HSBP1: variants seen among roughly 807,000 people sequenced by gnomAD.
HSBP1 encodes the protein heat shock factor-binding protein 1.
HSBP1 carries 5 observed loss-of-function variants against 9.6 expected under a neutral mutation model. The observed-to-expected ratio is 0.52, with a 90% CI of 0.27 to 1.09. HSBP1 has a LOEUF of 1.09. Among genes scored for constraint, HSBP1 ranks in the 50% least tolerant of loss-of-function variants. The pLI, the probability that HSBP1 is intolerant of heterozygous loss-of-function variation, is 0.11. For synonymous variants in HSBP1, 42 were observed against 33.3 expected, an observed-to-expected ratio of 1.26 and a Z score of -0.90; for missense variants, 121 against 96.3, an observed-to-expected ratio of 1.26 and a Z score of -1.07.
chr16:83,810,490 C>G (rs890722925), intron 3 of HSBP1, among the ~76,000 whole-genome samples: 1 of 140,088 alleles, frequency 7.1e-6, no homozygotes, highest in East Asian at 2.0e-4. Flanking sequence ...CCACTGCACT[C>G]CAGCCTGGGC....
chr16:83,814,561 G>A lies in HSBP1; in HGVS notation c.*3143G>A, dbSNP rs764350231. ...AACACAGCTGATCGTCTGCCTCTTCGTGTGAGCTGAGCTCCGAATCTCAGC... is the reference window on the plus strand; with the variant it reads ...AACACAGCTGATCGTCTGCCTCTTCATGTGAGCTGAGCTCCGAATCTCAGC... On this transcript the variant is annotated 3_prime_UTR_variant, in exon 4 of 4. Transcript: ENST00000433866. The A allele has an allele frequency of 2.0e-5, 3 of 152,142 alleles. No individual in the cohort carries two copies. Among genetic ancestry groups the A allele is most frequent in the East Asian group, 3.9e-4 (2 of 5,194 alleles). 9.4% of individuals were successfully genotyped at this position (152,142 alleles called of 1,614,324 possible).
chr16:83,816,763 G>A lies in HSBP1; in HGVS notation c.*5345G>A, dbSNP rs181449691. ...CCCAAGTGTCAACAGTGCTGAGGTT[G>A]AGGAATCCCAGCTTAACCCATTCAT... On this transcript the variant is annotated 3_prime_UTR_variant, in exon 4 of 4. Transcript: ENST00000433866. 1 of 152,352 alleles carries A rather than the reference G, an allele frequency of 6.6e-6. No homozygotes were observed. Among genetic ancestry groups the A allele is most frequent in the South Asian group, 2.1e-4 (1 of 4,832 alleles). 9.4% of individuals were successfully genotyped at this position (152,352 alleles called of 1,614,324 possible). A position where few individuals can be genotyped will look rare whatever the true frequency, so the allele number is the denominator to read the frequency against.
In HSBP1 at chr16:83,808,660, T is replaced by C. The variant is rs1272107806; in HGVS notation, c.46-20T>C. 2 of 1,601,076 alleles carry C rather than the reference T, an allele frequency of 1.2e-6. No individual in the cohort carries two copies. Among genetic ancestry groups the C allele is most frequent in the Admixed American group, 1.7e-5 (1 of 59,318 alleles). On this transcript the variant is annotated intron_variant, in intron 1 of 3. Coordinates refer to ENST00000433866, the MANE Select transcript of HSBP1 (RefSeq NM_001537.4). ...TCAGGATCGATGTGGACCGTGTTTG[T>C]TTGTTTCGGTTTTTCTTAGGTGCAG...
chr16:83,810,055 C>T (rs116506181), intron 3 of HSBP1, among the ~76,000 whole-genome samples: 5,386 of 150,376 alleles, frequency 0.036, 329 homozygotes, highest in African/African-American at 0.13. Context: ...ATTAAGGTGT[C>T]TTTTTGTTGG....
rs556539577 is a variant in HSBP1 at position 83,809,180 on chromosome 16, C to T, written c.113-125C>T. 131 of 655,130 alleles carry T rather than the reference C, an allele frequency of 2.0e-4. 1 individual carries two copies. The highest frequency in any genetic ancestry group is 1.8e-3 in the South Asian group (99 of 53,810). The allele number at this position is 655,130 out of a possible 1,614,324, so 40.6% of individuals were successfully genotyped here. ...TGTACTCTTACCCACCAGCGTGTAA[C>T]AGTGTCGAAAGAAAATTGGAAGACC... is the stretch of plus-strand genomic sequence containing the variant. On this transcript the variant is annotated intron_variant, in intron 2 of 3. Transcript: ENST00000433866.
rs934202678 is a variant in HSBP1, at chr16:83,813,126, G to C, written c.*1708G>C. ...AGGCAAAGCAGGAGAGGGGGTGTTG[G>C]GGGAGGTTGCCTGCTGGAAGGGGAA... is the stretch of plus-strand genomic sequence containing the variant. On this transcript the variant is annotated 3_prime_UTR_variant, in exon 4 of 4. Transcript: ENST00000433866. 1 of 152,400 alleles carries C rather than the reference G, an allele frequency of 6.6e-6. No homozygotes were observed. Among genetic ancestry groups the C allele is most frequent in the Non-Finnish European group, 1.5e-5 (1 of 68,176 alleles). 9.4% of individuals were successfully genotyped at this position (152,400 alleles called of 1,614,324 possible). A position where few individuals can be genotyped will look rare whatever the true frequency, so the allele number is the denominator to read the frequency against.
At position 83,819,507 on chromosome 16, in the gene HSBP1, G is replaced by A. The variant is rs1904793714; in HGVS notation, c.*8089G>A. On this transcript the variant is annotated 3_prime_UTR_variant, in exon 4 of 4. Transcript: ENST00000433866. ...CTAAGCCCGAGGAACTGAGCGTGAA[G>A]AGCCCTGACGCCATGAAGACTTGAA... 1 of 152,118 alleles carries A rather than the reference G, an allele frequency of 6.6e-6. No homozygotes were observed. The highest frequency in any genetic ancestry group is 6.6e-5 in the Admixed American group (1 of 15,266). The allele number at this position is 152,118 out of a possible 1,614,324, so 9.4% of individuals were successfully genotyped here.
At chr16:83,808,460 A>C in intron 1 of HSBP1, 1 of 577,822 alleles carries the variant, frequency 1.7e-6, no homozygotes, top group Non-Finnish European at 3.1e-6. Context: ...AACAACCTAA[A>C]GACCCTGAGC....
intron 3 of HSBP1, among the ~76,000 whole-genome samples, chr16:83,810,099 GC>G (rs1299777542): frequency 2.2e-4 from 32 of 148,714 alleles, no homozygotes; most frequent in African/African-American, 7.4e-4. Flanking sequence ...ATTTTCCATT[GC>G]TTTTTTTTTT....
chr16:83,811,436 T>A lies in HSBP1; in HGVS notation c.*18T>A, dbSNP rs1904598768. The A allele has an allele frequency of 6.6e-6, 1 of 152,260 alleles. No individual in the cohort carries two copies. Among genetic ancestry groups the A allele is most frequent in the Admixed American group, 6.5e-5 (1 of 15,292 alleles). The allele number at this position is 152,260 out of a possible 1,614,324, so 9.4% of individuals were successfully genotyped here. ...TCTTCAACAGGTTGCTAATAATTTA[T>A]ACTGGAATCTGGCATTTTTCCAAGC... is the stretch of plus-strand genomic sequence containing the variant. On this transcript the variant is annotated 3_prime_UTR_variant, in exon 4 of 4. Transcript: ENST00000433866.
rs1392525360 is a variant in HSBP1 at position 83,818,976 on chromosome 16, C to G, written c.*7558C>G. 1 of 152,134 alleles carries G rather than the reference C, an allele frequency of 6.6e-6. No individual in the cohort carries two copies. The highest frequency in any genetic ancestry group is 1.5e-5 in the Non-Finnish European group (1 of 68,028). 9.4% of individuals were successfully genotyped at this position (152,134 alleles called of 1,614,324 possible). Reference sequence around the variant, plus strand: ...CGTGCTGGAAATGTAGATCCCCAGGCCCTACCTAGCCCTACTGAATCAGAG... The same window carrying G: ...CGTGCTGGAAATGTAGATCCCCAGGGCCTACCTAGCCCTACTGAATCAGAG... On this transcript the variant is annotated 3_prime_UTR_variant, in exon 4 of 4. Coordinates refer to ENST00000433866, the MANE Select transcript of HSBP1 (RefSeq NM_001537.4).
rs1904598708 is a variant in HSBP1, at chr16:83,811,432, T to C, written c.*14T>C. ...TCCTTCTTCAACAGGTTGCTAATAATTTATACTGGAATCTGGCATTTTTCC... is the reference window on the plus strand; with the variant it reads ...TCCTTCTTCAACAGGTTGCTAATAACTTATACTGGAATCTGGCATTTTTCC... On this transcript the variant is annotated 3_prime_UTR_variant, in exon 4 of 4. Transcript: ENST00000433866. 1 of 152,248 alleles carries C rather than the reference T, an allele frequency of 6.6e-6. No individual in the cohort carries two copies. The highest frequency in any genetic ancestry group is 2.4e-5 in the African/African-American group (1 of 41,468). 9.4% of individuals were successfully genotyped at this position (152,248 alleles called of 1,614,324 possible). A position where few individuals can be genotyped will look rare whatever the true frequency, so the allele number is the denominator to read the frequency against.
chr16:83,808,598 G>T (rs138479228), intron 1 of HSBP1, 82 bp from the exon 2 acceptor site: 1 of 1,120,388 alleles, frequency 8.9e-7, no homozygotes, highest in Admixed American at 2.1e-5. Context: ...CTGGAACCCC[G>T]GGACCAGGGC....
In HSBP1 at chr16:83,808,005, G is replaced by T; in HGVS notation, c.-72G>T. 7.3e-7 allele frequency: 1 copy of T among 1,364,368 alleles called. No homozygotes were observed. Among genetic ancestry groups the T allele is most frequent in the Non-Finnish European group, 9.9e-7 (1 of 1,007,174 alleles). 84.5% of individuals were successfully genotyped at this position (1,364,368 alleles called of 1,614,324 possible). On this transcript the variant is annotated 5_prime_UTR_variant, in exon 1 of 4. Transcript: ENST00000433866. Reference sequence around the variant, plus strand: ...TCTCGTCGCGAGAAGCAGCGGCCCGGGGCGACTGAGCGGACAAACGGAAGT... The same window carrying T: ...TCTCGTCGCGAGAAGCAGCGGCCCGTGGCGACTGAGCGGACAAACGGAAGT...
chr16:83,808,917 A>T (rs1196933004), intron 2 of HSBP1, among the ~76,000 whole-genome samples, 171 bp downstream of exon 2: 2 of 152,142 alleles, frequency 1.3e-5, no homozygotes, highest in African/African-American at 2.4e-5. Context: ...CTAGGGGCAA[A>T]GCTGAGTTAG....
At position 83,815,629 on chromosome 16, in the gene HSBP1, TACA is replaced by T. The variant is rs1030482951; in HGVS notation, c.*4215_*4217del. 2.0e-5 allele frequency: 3 copies of T among 152,176 alleles called. No individual in the cohort carries two copies. Among genetic ancestry groups the T allele is most frequent in the African/African-American group, 7.2e-5 (3 of 41,420 alleles). 9.4% of individuals were successfully genotyped at this position (152,176 alleles called of 1,614,324 possible). On this transcript the variant is annotated 3_prime_UTR_variant, in exon 4 of 4. Transcript: ENST00000433866. The stretch of plus-strand genomic sequence containing the variant: ...AGGGTTCGAGTGATCCTGAAAGCTG[TACA>T]ACATCAGCCTCTGTGGGATCCCTGA...
At chr16:83,809,455 T>G in intron 3 of HSBP1, 30 bp downstream of exon 3, 1 of 1,103,658 alleles carries the variant, frequency 9.1e-7, no homozygotes, top group Non-Finnish European at 1.3e-6. Context: ...TTTTTTTCTT[T>G]TCTTTTCTTT....
chr16:83,808,820 G>A (rs936406333), intron 2 of HSBP1, 74 bp downstream of exon 2: 1 of 1,094,080 alleles, frequency 9.1e-7, no homozygotes, highest in African/African-American at 1.5e-5. Flanking sequence ...GGGGATAAAT[G>A]AGTAGTTTTC....
At position 83,812,158 on chromosome 16, in the gene HSBP1, G is replaced by A. The variant is rs931821321; in HGVS notation, c.*740G>A. On this transcript the variant is annotated 3_prime_UTR_variant, in exon 4 of 4. Transcript: ENST00000433866. ...AATACTTCAGTAGGACCCTACCTACGTGGTTCATCTACAATGGTTACCATA... is the reference window on the plus strand; with the variant it reads ...AATACTTCAGTAGGACCCTACCTACATGGTTCATCTACAATGGTTACCATA... 3 of 152,578 alleles carry A rather than the reference G, an allele frequency of 2.0e-5. No homozygotes were observed. The highest frequency in any genetic ancestry group is 2.9e-5 in the Non-Finnish European group (2 of 68,024). 9.5% of individuals were successfully genotyped at this position (152,578 alleles called of 1,614,324 possible). A position where few individuals can be genotyped will look rare whatever the true frequency, so the allele number is the denominator to read the frequency against.
Sources: allele counts gnomAD v4.1 joint callset (sites outside exome capture counted in the v4.1 genomes callset), GRCh38; gene constraint gnomAD v4.1.1; transcripts MANE v1.5; gene names NCBI Gene and HGNC (gene_info 2026-07-23, HGNC 2026-07-21).